Variants in APBB2 observed in about 807,000 individuals in gnomAD.
APBB2 encodes the protein amyloid beta precursor protein binding family B member 2, also known as Fe65-like 1.
APBB2 carries 38 observed loss-of-function variants against 82.5 expected under a neutral mutation model. The ratio of observed to expected loss-of-function variants is 0.46; its 90% confidence interval spans 0.36 to 0.60. The LOEUF (loss-of-function observed/expected upper bound fraction) is 0.60. APBB2 is among the 20% of genes least tolerant of loss of function. APBB2 has a pLI of 0.00. For missense variants in APBB2, 772 were observed against 972.3 expected (o/e 0.79, Z 2.74); for synonymous variants, 341 against 368.2 (o/e 0.93, Z 0.85).
At chr4:40,911,227 C>T (rs1161673245) in intron 10 of APBB2, among the ~76,000 whole-genome samples, 1 of 152,158 alleles carries the variant, frequency 6.6e-6, no homozygotes, top group Non-Finnish European at 1.5e-5. Context: ...CTTCTCGAAT[C>T]CGTGGGCTCC....
intron 5 of APBB2, among the ~76,000 whole-genome samples, chr4:41,025,963 AG>A (rs773422959): frequency 2.1e-4 from 31 of 150,974 alleles, no homozygotes; most frequent in African/African-American, 6.1e-4. Context: ...AAAAAAAAAA[AG>A]AAAAAAAGGA....
rs533327124 is a variant in APBB2, at chr4:40,837,380, G to A, written c.1530-6803C>T. On this transcript the variant is annotated intron_variant, in intron 12 of 17. Transcript: ENST00000508593. The stretch of plus-strand genomic sequence containing the variant: ...TTCCGGCTTCCAGAGCACCAGGAGG[G>A]TCCCATCTCAGACAGGCTGGGAGCC... 7.6e-4 allele frequency among the ~76,000 whole-genome samples: 115 copies of A among 152,294 alleles called. 2 individuals are homozygous for A. In the South Asian group the frequency reaches 0.016, roughly 21 times the overall value.
intron 1 of APBB2, among the ~76,000 whole-genome samples, chr4:41,166,007 G>A (rs1766466240): frequency 6.6e-6 from 1 of 151,698 alleles, no homozygotes; most frequent in South Asian, 2.1e-4. Context: ...CCGAGTAGCT[G>A]GGACTACAGG....
In APBB2 at chr4:41,014,193, G is replaced by A. The variant is rs1809216703; in HGVS notation, c.225C>T (p.Ile75=). The A allele has an allele frequency of 6.2e-7, 1 of 1,614,106 alleles. No homozygotes were observed. Among genetic ancestry groups the A allele is most frequent in the Admixed American group, 1.7e-5 (1 of 60,006 alleles). Residue 75 remains isoleucine (I), a synonymous_variant, in exon 6 of 18, where the codon ATC becomes ATT. Transcript: ENST00000508593. ...KCRKKYALTN[I]QAAMGLSDPA... ...GATCCGAGAGGCCCATGGCCGCCTG[G>A]ATGTTAGTTAGTGCATATTTTTTCC...
intron 13 of APBB2, among the ~76,000 whole-genome samples, chr4:40,830,199 AAC>A (rs748831202): frequency 6.7e-5 from 10 of 149,696 alleles, no homozygotes; most frequent in Middle Eastern, 3.2e-3. Context: ...GACTTGGCTG[AAC>A]ACACACACAC....
intron 2 of APBB2, among the ~76,000 whole-genome samples, chr4:41,115,260 G>A (rs1008664377): frequency 1.3e-5 from 2 of 152,150 alleles, no homozygotes; most frequent in Non-Finnish European, 2.9e-5. Context: ...TGGGAAAACT[G>A]GCTAGCCATA....
At chr4:41,141,679 T>A (rs190288249) in intron 2 of APBB2, among the ~76,000 whole-genome samples, 87 of 152,288 alleles carry the variant, frequency 5.7e-4, no homozygotes, top group African/African-American at 2.0e-3. Context: ...TGGACTTAAG[T>A]TCCATGTGGC....
chr4:40,942,593 T>C (rs1429657805), intron 7 of APBB2, among the ~76,000 whole-genome samples: 1 of 151,954 alleles, frequency 6.6e-6, no homozygotes, highest in Non-Finnish European at 1.5e-5. Context: ...GAAAATACCC[T>C]GAAAACCACA....
At chr4:40,978,916 G>A (rs569910115) in intron 6 of APBB2, among the ~76,000 whole-genome samples, 1 of 138,672 alleles carries the variant, frequency 7.2e-6, no homozygotes, top group African/African-American at 2.5e-5. Context: ...AAGAGTACTT[G>A]GAACTCATGA....
chr4:41,083,306 C>T (rs946789753), intron 3 of APBB2, among the ~76,000 whole-genome samples: 5 of 152,028 alleles, frequency 3.3e-5, no homozygotes, highest in East Asian at 1.9e-4. Context: ...TGTAAAAAGA[C>T]GGGAATGAAA....
At chr4:41,159,907 A>AAGGAGAAGGAGAAGGAGG (rs1267899128) in intron 1 of APBB2, among the ~76,000 whole-genome samples, 17 of 35,606 alleles carry the variant, frequency 4.8e-4, no homozygotes, top group East Asian at 1.9e-3. Flanking sequence ...GAAGAAGGAG[A>AAGGAGAAGGAGAAGGAGG]AGGAGGAGGA....
At chr4:41,068,931 G>A (rs1267307847) in intron 3 of APBB2, among the ~76,000 whole-genome samples, 2 of 151,714 alleles carry the variant, frequency 1.3e-5, no homozygotes, top group African/African-American at 4.8e-5. Flanking sequence ...GAGTAGCTGG[G>A]ATTACAGGCA....
At chr4:40,918,047 A>G (rs749758061) in intron 10 of APBB2, among the ~76,000 whole-genome samples, 8 of 152,234 alleles carry the variant, frequency 5.3e-5, no homozygotes, top group Non-Finnish European at 8.8e-5. Context: ...CATTTCTCAC[A>G]TTGCTTTTGA....
At chr4:40,909,031 T>C (rs1777851527) in intron 10 of APBB2, among the ~76,000 whole-genome samples, 1 of 152,130 alleles carries the variant, frequency 6.6e-6, no homozygotes, top group African/African-American at 2.4e-5. Context: ...CACTCTTAGG[T>C]CCAGGGGCAA....
chr4:40,930,964 G>A (rs1357392366), intron 10 of APBB2, among the ~76,000 whole-genome samples: 5 of 152,078 alleles, frequency 3.3e-5, no homozygotes, highest in African/African-American at 9.7e-5. Context: ...AGCCCAGATG[G>A]TCTCGATCTC....
chr4:41,207,277 C>T (rs1330232713), intron 1 of APBB2, among the ~76,000 whole-genome samples: 1 of 148,568 alleles, frequency 6.7e-6, no homozygotes, highest in African/African-American at 2.5e-5. Flanking sequence ...CCCACAATAG[C>T]AACCAAAACT....
chr4:40,997,934 C>T (rs1174235131), intron 6 of APBB2, among the ~76,000 whole-genome samples: 1 of 152,170 alleles, frequency 6.6e-6, no homozygotes. Context: ...GAAAAGTACA[C>T]GTGATTGAGT....
chr4:41,018,429 T>A (rs1481722987), intron 5 of APBB2, among the ~76,000 whole-genome samples: 3 of 152,100 alleles, frequency 2.0e-5, no homozygotes, highest in African/African-American at 7.2e-5. Flanking sequence ...GGGAGGATTA[T>A]CATCAAGGGA....
intron 6 of APBB2, among the ~76,000 whole-genome samples, chr4:40,950,539 C>T (rs538460142): frequency 1.3e-4 from 20 of 152,266 alleles, no homozygotes; most frequent in African/African-American, 4.8e-4. Flanking sequence ...CAGGGAGATG[C>T]ATGTCTACTA....
Sources: allele counts gnomAD v4.1 joint callset (sites outside exome capture counted in the v4.1 genomes callset), GRCh38; gene constraint gnomAD v4.1.1; transcripts MANE v1.5; gene names NCBI Gene and HGNC (gene_info 2026-07-23, HGNC 2026-07-21).